The following GALNT13 variants were observed in gnomAD, a reference collection of about 807,000 sequenced individuals.
GALNT13 encodes polypeptide N-acetylgalactosaminyltransferase 13.
A neutral mutation model predicts 64.2 loss-of-function variants in GALNT13; 28 were observed. The ratio of observed to expected loss-of-function variants is 0.44; its 90% CI spans 0.32 to 0.60. The LOEUF (loss-of-function observed/expected upper bound fraction) is 0.60, where lower values mean the gene tolerates loss of function less well. Among genes scored for constraint, GALNT13 ranks in the 20% least tolerant of loss-of-function variants. The pLI, the probability that GALNT13 is intolerant of heterozygous loss-of-function variation, is 0.05. For missense variants in GALNT13, 577 were observed against 669.8 expected (o/e 0.86, Z 1.53); for synonymous variants, 214 against 224.6 (o/e 0.95, Z 0.42).
At chr2:154,032,504 A>G (rs1414997761) in intron 3 of GALNT13, among the ~76,000 whole-genome samples, 3 of 152,050 alleles carry the variant, frequency 2.0e-5, no homozygotes, top group Non-Finnish European at 2.9e-5. Context: ...TATAGATACA[A>G]GAATCTTCAA....
the GALNT13 span, among the ~76,000 whole-genome samples, chr2:153,734,525 C>T: frequency 6.6e-6 from 1 of 152,096 alleles, no homozygotes; most frequent in Non-Finnish European, 1.5e-5. Context: ...ACTGCAGGCC[C>T]TCTAGTTATT....
the GALNT13 span, among the ~76,000 whole-genome samples, chr2:153,420,178 C>A: frequency 6.6e-6 from 1 of 152,120 alleles, no homozygotes; most frequent in African/African-American, 2.4e-5. Context: ...CTGTAAAGAA[C>A]AGGTATACAG....
At chr2:154,199,588 A>G (rs1014658209) in intron 4 of GALNT13, among the ~76,000 whole-genome samples, 1 of 152,002 alleles carries the variant, frequency 6.6e-6, no homozygotes, top group African/African-American at 2.4e-5. Flanking sequence ...AGGGTTTTGT[A>G]GTTGTTTGAC....
chr2:153,802,657 A>G, the GALNT13 span, among the ~76,000 whole-genome samples: 1 of 152,250 alleles, frequency 6.6e-6, no homozygotes. Context: ...CACATCCTGA[A>G]TTATTTTTGA....
At chr2:153,745,074 A>G in the GALNT13 span, among the ~76,000 whole-genome samples, 1 of 152,118 alleles carries the variant, frequency 6.6e-6, no homozygotes, top group Non-Finnish European at 1.5e-5. Flanking sequence ...GAATTGATAG[A>G]CTGAGGTCCA....
the GALNT13 span, among the ~76,000 whole-genome samples, chr2:153,813,853 G>A: frequency 5.3e-5 from 8 of 152,088 alleles, no homozygotes; most frequent in Non-Finnish European, 1.0e-4. Flanking sequence ...GAATTAATAG[G>A]GCTGTTTTTC....
chr2:153,704,597 G>A, the GALNT13 span, among the ~76,000 whole-genome samples: 2 of 152,072 alleles, frequency 1.3e-5, no homozygotes. Context: ...TAAGCAAAGT[G>A]GCTATTGTTT....
At chr2:153,182,495 G>A in the GALNT13 span, among the ~76,000 whole-genome samples, 3 of 152,104 alleles carry the variant, frequency 2.0e-5, no homozygotes, top group Non-Finnish European at 4.4e-5. Context: ...GTGCAGGTTG[G>A]TTACATAGGT....
chr2:153,637,496 A>C, the GALNT13 span, among the ~76,000 whole-genome samples: 2 of 152,144 alleles, frequency 1.3e-5, no homozygotes, highest in African/African-American at 4.8e-5. Flanking sequence ...AATAAAGAAG[A>C]ACTGAGAATT....
chr2:153,144,009 C>T, the GALNT13 span, among the ~76,000 whole-genome samples: 12 of 152,050 alleles, frequency 7.9e-5, no homozygotes, highest in Admixed American at 2.0e-4. Context: ...TGAATGCGTA[C>T]GAAATACGCA....
chr2:154,239,999 G>A (rs779084934), intron 4 of GALNT13, among the ~76,000 whole-genome samples: 1 of 152,010 alleles, frequency 6.6e-6, no homozygotes, highest in Non-Finnish European at 1.5e-5. Flanking sequence ...ATTAGCAAGA[G>A]GTATCTGATT....
At chr2:153,293,108 A>G in the GALNT13 span, among the ~76,000 whole-genome samples, 1 of 151,194 alleles carries the variant, frequency 6.6e-6, no homozygotes, top group African/African-American at 2.4e-5. Flanking sequence ...TAACTTCTTT[A>G]TTTCCTGTAC....
At chr2:153,331,228 G>GT in the GALNT13 span, among the ~76,000 whole-genome samples, 97,880 of 147,430 alleles carry the variant, frequency 0.66, 33,554 homozygotes, top group Non-Finnish European at 0.74. Flanking sequence ...ATTGGCCTAT[G>GT]TTTTTTTTTT....
the GALNT13 span, among the ~76,000 whole-genome samples, chr2:153,584,942 T>C: frequency 6.6e-6 from 1 of 152,348 alleles, no homozygotes; most frequent in African/African-American, 2.4e-5. Context: ...GGAAAAAGTC[T>C]ACCCTCACCA....
the GALNT13 span, among the ~76,000 whole-genome samples, chr2:153,180,499 G>A: frequency 1.3e-5 from 2 of 152,132 alleles, no homozygotes; most frequent in East Asian, 1.9e-4. Flanking sequence ...TTCTTCTGAT[G>A]TCCTTATTTC....
chr2:153,537,750 T>C, the GALNT13 span, among the ~76,000 whole-genome samples: 2 of 152,088 alleles, frequency 1.3e-5, no homozygotes, highest in Non-Finnish European at 2.9e-5. Flanking sequence ...AAGGCGATTT[T>C]CCCCCTTCAC....
the GALNT13 span, among the ~76,000 whole-genome samples, chr2:153,093,874 G>T: frequency 1.3e-5 from 2 of 152,070 alleles, no homozygotes; most frequent in African/African-American, 2.4e-5. Context: ...GGTCTGTGCA[G>T]GTTTTGGATT....
chr2:153,206,636 A>G, the GALNT13 span, among the ~76,000 whole-genome samples: 1 of 152,058 alleles, frequency 6.6e-6, no homozygotes, highest in Admixed American at 6.6e-5. Context: ...TTCATTAGAT[A>G]TAAGATTAGA....
chr2:153,785,676 C>T, the GALNT13 span, among the ~76,000 whole-genome samples: 1 of 151,962 alleles, frequency 6.6e-6, no homozygotes, highest in East Asian at 2.0e-4. Flanking sequence ...AGCAGCTGCC[C>T]TGCTGCCATA....
Sources: allele counts gnomAD v4.1 joint callset (sites outside exome capture counted in the v4.1 genomes callset), GRCh38; gene constraint gnomAD v4.1.1; transcripts MANE v1.5; gene names NCBI Gene and HGNC (gene_info 2026-07-23, HGNC 2026-07-21).